MAST2: variants seen among roughly 807,000 people sequenced by gnomAD.
MAST2 encodes microtubule associated serine/threonine kinase 2.
A neutral mutation model predicts 147.4 loss-of-function variants in MAST2; 70 were observed. The observed-to-expected ratio is 0.47, with a 90% CI of 0.39 to 0.58. The LOEUF is 0.58. Among genes scored for constraint, MAST2 ranks in the 20% least tolerant of loss-of-function variants. MAST2 has a pLI of 0.00. For synonymous variants in MAST2, 869 were observed against 896.8 expected (o/e 0.97, Z 0.55); for missense variants, 2,080 against 2,302.3 (o/e 0.90, Z 1.98).
At chr1:45,855,287 T>G (rs1017112340) in intron 3 of MAST2, among the ~76,000 whole-genome samples, 1 of 151,836 alleles carries the variant, frequency 6.6e-6, no homozygotes, top group Non-Finnish European at 1.5e-5. Flanking sequence ...AAATATATAT[T>G]TTTATTATAA....
rs556005775 is a variant in MAST2, at chr1:45,815,238, C to A, written c.178-9195C>A. ...AGTCTGGAGTGCAATGGCGTGATCTCGGTTCACTGCAACCTCTGCCTCCCA... is the reference window on the plus strand; with the variant it reads ...AGTCTGGAGTGCAATGGCGTGATCTAGGTTCACTGCAACCTCTGCCTCCCA... On this transcript the variant is annotated intron_variant, in intron 1 of 28. Transcript: ENST00000361297. 1.9e-4 allele frequency among the ~76,000 whole-genome samples: 29 copies of A among 149,232 alleles called. No homozygotes were observed. In the South Asian group the frequency reaches 5.3e-3, roughly 27 times the overall value.
At chr1:45,808,069 A>G (rs1644192581) in intron 1 of MAST2, among the ~76,000 whole-genome samples, 1 of 152,008 alleles carries the variant, frequency 6.6e-6, no homozygotes, top group Non-Finnish European at 1.5e-5. Context: ...TTTTTATTAT[A>G]CTAGTATTTA....
chr1:45,806,731 CCAT>C (rs1286706410), intron 1 of MAST2, among the ~76,000 whole-genome samples: 1 of 152,312 alleles, frequency 6.6e-6, no homozygotes, highest in African/African-American at 2.4e-5. Context: ...GCATGCACCA[CCAT>C]GCCTGGCTAA....
In MAST2 at chr1:46,035,741, C is replaced by G. The variant is rs1174860435; in HGVS notation, c.5072C>G (p.Pro1691Arg). Residue 1691 changes from proline to arginine, a missense_variant, in exon 29 of 29, where the codon CCA becomes CGA. Coordinates refer to ENST00000361297, the MANE Select transcript of MAST2 (RefSeq NM_015112.3). This position sits in a 1 kb window ranked among gnomAD's most constrained non-coding sequence, Gnocchi z 5.5. Reference protein sequence around the residue: ...ANLQDLENTTPAQPKNLSPRE... With the variant: ...ANLQDLENTTRAQPKNLSPRE... ...CTCCAGGATTTGGAAAACACAACTC[C>G]AGCCCAGCCTAAGAACCTGTCTCCC... is the stretch of plus-strand genomic sequence containing the variant. 6.2e-7 allele frequency: 1 copy of G among 1,614,062 alleles called. No individual in the cohort carries two copies. Among genetic ancestry groups the G allele is most frequent in the East Asian group, 2.2e-5 (1 of 44,864 alleles).
chr1:45,853,311 C>A (rs1017316216), intron 3 of MAST2, among the ~76,000 whole-genome samples: 3 of 138,400 alleles, frequency 2.2e-5, no homozygotes, highest in Non-Finnish European at 4.8e-5. Flanking sequence ...CTTTTTTATT[C>A]TTTTTAACAG....
Position 46,023,059 on chromosome 1 carries a change from G to A in MAST2, c.1485+88G>A, listed in dbSNP as rs538817560. 5.9e-6 allele frequency: 8 copies of A among 1,363,210 alleles called. No individual in the cohort carries two copies. The South Asian group carries it at 8.3e-5, about 14-fold the overall frequency. The allele number at this position is 1,363,210 out of a possible 1,614,324, so 84.4% of individuals were successfully genotyped here. A position where few individuals can be genotyped will look rare whatever the true frequency, so the allele number is the denominator to read the frequency against. ...AATTCTCTTTAAGAGAATATCTGAG[G>A]AAGGGATGGGGGAGTTGGTGACAGC... On this transcript the variant is annotated intron_variant, in intron 13 of 28. Transcript: ENST00000361297. This position sits in a 1 kb window ranked among gnomAD's most constrained non-coding sequence, Gnocchi z 4.9.
intron 3 of MAST2, among the ~76,000 whole-genome samples, chr1:45,832,488 T>C (rs1465439925): frequency 6.6e-6 from 1 of 151,974 alleles, no homozygotes; most frequent in East Asian, 1.9e-4. Flanking sequence ...AGTGATGGGG[T>C]TTTGCCATGT....
At chr1:46,032,741 G>A (rs1646724570) in intron 26 of MAST2, 23 bp downstream of exon 26, 4 of 1,604,912 alleles carry the variant, frequency 2.5e-6, no homozygotes, top group Admixed American at 3.4e-5. Flanking sequence ...CGTGCTGCCT[G>A]CATGGTCCCT....
rs1430621568 is a variant in MAST2, at chr1:46,027,775, G to A, written c.1964G>A (p.Gly655Glu). The stretch of plus-strand genomic sequence containing the variant: ...GGGCACATCAAGCTCACGGACTTTG[G>A]ACTGTCCAAAATTGGCCTCATGAGT... Reference protein sequence around the residue: ...SMGHIKLTDFGLSKIGLMSLT... With the variant: ...SMGHIKLTDFELSKIGLMSLT... The change falls in exon 17 of 29, where the codon GGA becomes GAA. Residue 655 changes from glycine (G) to glutamate (E), a missense_variant. Physicochemically the swap from Gly to Glu is moderately conservative, Grantham distance 98. This residue lies in a region of MAST2 where 209 missense variants were observed against 309.5 expected (regional missense o/e 0.68). Transcript: ENST00000361297. 6.2e-7 allele frequency: 1 copy of A among 1,613,994 alleles called. No individual in the cohort carries two copies. Among genetic ancestry groups the A allele is most frequent in the East Asian group, 2.2e-5 (1 of 44,894 alleles).
chr1:45,942,102 A>G (rs1397205678), intron 4 of MAST2, among the ~76,000 whole-genome samples: 3 of 151,864 alleles, frequency 2.0e-5, no homozygotes, highest in East Asian at 1.9e-4. Flanking sequence ...AGGTTTGCCA[A>G]CCATACCTTG....
intron 5 of MAST2, among the ~76,000 whole-genome samples, chr1:45,996,976 G>A (rs569934610): frequency 6.6e-6 from 1 of 152,310 alleles, no homozygotes; most frequent in South Asian, 2.1e-4. Context: ...TTTGAGTAGA[G>A]TCATATTAAC....
At chr1:45,909,843 C>T (rs1447885204) in intron 4 of MAST2, among the ~76,000 whole-genome samples, 5 of 149,194 alleles carry the variant, frequency 3.4e-5, no homozygotes, top group Non-Finnish European at 7.4e-5. Context: ...AAGACAGTCT[C>T]GCTCTGTCGA....
chr1:45,853,461 TCTCCTGCCCAGC>T (rs1645687419), intron 3 of MAST2, among the ~76,000 whole-genome samples: 1 of 152,060 alleles, frequency 6.6e-6, no homozygotes, highest in African/African-American at 2.4e-5. Context: ...TTCAAGTGAT[TCTCCTGCCCAGC>T]CTCCTGAGTA....
intron 4 of MAST2, among the ~76,000 whole-genome samples, chr1:45,898,249 A>G (rs1341071492): frequency 6.6e-6 from 1 of 152,190 alleles, no homozygotes; most frequent in Non-Finnish European, 1.5e-5. Context: ...ATCAACCAGA[A>G]AAACAGAGAA....
chr1:45,869,681 C>T (rs1017008316), intron 3 of MAST2, among the ~76,000 whole-genome samples: 7 of 152,134 alleles, frequency 4.6e-5, no homozygotes, highest in African/African-American at 1.7e-4. Flanking sequence ...ATTGGCCAGG[C>T]TTATTTTTGT....
chr1:45,959,809 A>G (rs537448699), intron 5 of MAST2, among the ~76,000 whole-genome samples: 1 of 152,256 alleles, frequency 6.6e-6, no homozygotes, highest in South Asian at 2.1e-4. Flanking sequence ...TGAGGAGTCC[A>G]CTAATATTTT....
intron 4 of MAST2, among the ~76,000 whole-genome samples, chr1:45,935,271 T>C (rs1344843197): frequency 6.6e-6 from 1 of 152,172 alleles, no homozygotes; most frequent in Non-Finnish European, 1.5e-5. Context: ...TCAGTTAAGG[T>C]TTTTTGTAGA....
intron 3 of MAST2, among the ~76,000 whole-genome samples, chr1:45,880,048 G>T (rs1646776421): frequency 6.6e-6 from 1 of 152,132 alleles, no homozygotes; most frequent in Non-Finnish European, 1.5e-5. Context: ...TTAGAAAAAG[G>T]TCTGGTAGCT....
chr1:45,908,311 T>C (rs1651110777), intron 4 of MAST2, among the ~76,000 whole-genome samples: 1 of 152,218 alleles, frequency 6.6e-6, no homozygotes, highest in Non-Finnish European at 1.5e-5. Context: ...ACCCATAATC[T>C]ACATTAGGTA....
Sources: allele counts gnomAD v4.1 joint callset (sites outside exome capture counted in the v4.1 genomes callset), GRCh38; gene constraint gnomAD v4.1.1; regional missense constraint gnomAD v4.1.1; non-coding constraint Gnocchi (gnomAD v3.1); transcripts MANE v1.5; gene names NCBI Gene and HGNC (gene_info 2026-07-23, HGNC 2026-07-21).